ARHGAP44: variants seen among roughly 807,000 people sequenced by gnomAD.
ARHGAP44 encodes rho GTPase-activating protein 44.
ARHGAP44 carries 43 observed loss-of-function variants against 106.8 expected under a neutral mutation model. That is an observed-to-expected ratio of 0.40 (90% CI 0.32 to 0.52). The LOEUF is 0.52. Among genes scored for constraint, ARHGAP44 ranks in the 20% least tolerant of loss-of-function variants. ARHGAP44 has a pLI of 0.48. For missense variants in ARHGAP44, 866 were observed against 1,050.5 expected, an observed-to-expected ratio of 0.82 and a Z score of 2.43; for synonymous variants, 439 against 410.3, an observed-to-expected ratio of 1.07 and a Z score of -0.85.
intron 13 of ARHGAP44, among the ~76,000 whole-genome samples, chr17:12,953,160 A>G (rs1427989584): frequency 2.0e-5 from 3 of 152,120 alleles, no homozygotes; most frequent in Non-Finnish European, 2.9e-5. Context: ...CACAGGAAGG[A>G]GAGATGAGGG....
At position 12,958,576 on chromosome 17, in the gene ARHGAP44, T is replaced by C. The variant is rs1418437404; in HGVS notation, c.1343-141T>C. The C allele has an allele frequency of 6.6e-6, 5 of 757,982 alleles. No homozygotes were observed. In the African/African-American group the frequency reaches 7.0e-5, roughly 11 times the overall value. 47.0% of individuals were successfully genotyped at this position (757,982 alleles called of 1,614,324 possible). On this transcript the variant is annotated intron_variant, in intron 15 of 20. Transcript: ENST00000379672. The surrounding 1 kb of genome is among the most constrained non-coding windows in gnomAD (Gnocchi z 4.1). The stretch of plus-strand genomic sequence containing the variant: ...TTTTTGGCCTGTTAATGTGATGCAT[T>C]ATATTAATAAGGTGAACCATGGGAT...
intron 1 of ARHGAP44, among the ~76,000 whole-genome samples, chr17:12,800,924 T>C (rs2034073282): frequency 6.6e-6 from 1 of 152,204 alleles, no homozygotes; most frequent in South Asian, 2.1e-4. Context: ...AATTAACTGC[T>C]CCTGACTTGA....
intron 1 of ARHGAP44, among the ~76,000 whole-genome samples, chr17:12,888,089 GTGT>G (rs1472632960): frequency 2.0e-5 from 3 of 151,490 alleles, no homozygotes; most frequent in Non-Finnish European, 3.0e-5. Context: ...TTTTGTTGTT[GTGT>G]TGTTGTTGTT....
At chr17:12,973,217 G>A (rs1478398952) in intron 16 of ARHGAP44, 85 bp from the exon 17 acceptor site, 1 of 1,392,100 alleles carries the variant, frequency 7.2e-7, no homozygotes, top group Admixed American at 2.0e-5. Context: ...CATGGAGAGA[G>A]ACCCCTTACA....
chr17:12,870,048 C>CTTTTTT lies in ARHGAP44; in HGVS notation c.54-24879_54-24874dup, dbSNP rs3074688. The stretch of plus-strand genomic sequence containing the variant: ...ATTATTTCTTGTCAACAAATACCGT[C>CTTTTTT]TTTTTTTTTTTTTTTTTTGAGATAG... On this transcript the variant is annotated intron_variant, in intron 1 of 20. Coordinates refer to ENST00000379672, the MANE Select transcript of ARHGAP44 (RefSeq NM_014859.6). Among the ~76,000 whole-genome samples, 54 of 113,076 alleles carry CTTTTTT rather than the reference C, an allele frequency of 4.8e-4. 2 individuals are homozygous for CTTTTTT. The highest frequency in any genetic ancestry group is 6.0e-4 in the African/African-American group (18 of 29,866). 74.2% of individuals were successfully genotyped at this position (113,076 alleles called of 152,430 possible). A position where few individuals can be genotyped will look rare whatever the true frequency, so the allele number is the denominator to read the frequency against.
At position 12,899,040 on chromosome 17, in the gene ARHGAP44, G is replaced by A. The variant is rs530796496; in HGVS notation, c.198+2529G>A. Among the ~76,000 whole-genome samples, 14 of 151,994 alleles carry A rather than the reference G, an allele frequency of 9.2e-5. No homozygotes were observed. In the South Asian group the frequency reaches 2.3e-3, roughly 25 times the overall value. On this transcript the variant is annotated intron_variant, in intron 3 of 20. Transcript: ENST00000379672. ...GGCTGGAGTGCAGTGGCGCAATCTC[G>A]GCTCACTGCAACCTCCACCTCCCAG...
chr17:12,887,898 A>G (rs1338717027), intron 1 of ARHGAP44, among the ~76,000 whole-genome samples: 1 of 146,906 alleles, frequency 6.8e-6, no homozygotes, highest in Non-Finnish European at 1.5e-5. Context: ...TGTCCATTTC[A>G]TCTAAGTTGT....
chr17:12,984,114 T>G (rs549888949), intron 19 of ARHGAP44, among the ~76,000 whole-genome samples: 1 of 152,256 alleles, frequency 6.6e-6, no homozygotes, highest in Non-Finnish European at 1.5e-5. Context: ...TACAGCAAAT[T>G]GAACTGGAGT....
Position 12,958,624 on chromosome 17 carries a change from C to G in ARHGAP44, c.1343-93C>G, listed in dbSNP as rs763509749. Reference sequence around the variant, plus strand: ...GATGAAATTTTCTAGGGATGACATACGAGGGAGTGGGTGTCTGGACTCATT... The same window carrying G: ...GATGAAATTTTCTAGGGATGACATAGGAGGGAGTGGGTGTCTGGACTCATT... On this transcript the variant is annotated intron_variant, in intron 15 of 20. Transcript: ENST00000379672. This position sits in a 1 kb window ranked among gnomAD's most constrained non-coding sequence, Gnocchi z 4.1. 4 of 1,218,626 alleles carry G rather than the reference C, an allele frequency of 3.3e-6. No homozygotes were observed. In the African/African-American group the frequency reaches 6.0e-5, roughly 18 times the overall value. The allele number at this position is 1,218,626 out of a possible 1,614,324, so 75.5% of individuals were successfully genotyped here. A position where few individuals can be genotyped will look rare whatever the true frequency, so the allele number is the denominator to read the frequency against.
At chr17:12,896,302 G>T in intron 2 of ARHGAP44, 105 bp from the exon 3 acceptor site, 1 of 897,346 alleles carries the variant, frequency 1.1e-6, no homozygotes, top group Non-Finnish European at 1.7e-6. Flanking sequence ...CTCTCCAGGA[G>T]TCCTTGTCTC....
At chr17:12,889,952 T>C (rs967588678) in intron 1 of ARHGAP44, among the ~76,000 whole-genome samples, 3 of 152,238 alleles carry the variant, frequency 2.0e-5, no homozygotes, top group Admixed American at 1.3e-4. Flanking sequence ...TAGAGAATCA[T>C]TTTTACTCCA....
chr17:12,967,059 C>T (rs2039407741), intron 16 of ARHGAP44, among the ~76,000 whole-genome samples: 1 of 151,008 alleles, frequency 6.6e-6, no homozygotes, highest in South Asian at 2.1e-4. Context: ...TCTTCCTTCT[C>T]CTCCTCCTTC....
chr17:12,840,946 C>T (rs1013024296), intron 1 of ARHGAP44, among the ~76,000 whole-genome samples: 2 of 152,008 alleles, frequency 1.3e-5, no homozygotes, highest in African/African-American at 4.8e-5. Flanking sequence ...GGGGTCGGTT[C>T]CCCATCCTGC....
chr17:12,895,098 T>C (rs1358163580), intron 2 of ARHGAP44, 119 bp downstream of exon 2: 3 of 835,618 alleles, frequency 3.6e-6, no homozygotes, highest in Non-Finnish European at 5.7e-6. Flanking sequence ...GCCACTACAC[T>C]CCAGCCTGGC....
chr17:12,973,140 TTAGA>T (rs1265653394), intron 16 of ARHGAP44, 158 bp from the exon 17 acceptor site: 1 of 699,094 alleles, frequency 1.4e-6, no homozygotes, highest in Non-Finnish European at 2.4e-6. Context: ...GAGAGTCACT[TTAGA>T]GAGACCAACT....
intron 19 of ARHGAP44, among the ~76,000 whole-genome samples, chr17:12,981,952 A>G (rs769134462): frequency 5.3e-5 from 8 of 152,100 alleles, no homozygotes; most frequent in South Asian, 2.1e-4. Flanking sequence ...TGGAGGTTGC[A>G]CTGAGCCAAG....
chr17:12,885,579 CT>C (rs1567668143), intron 1 of ARHGAP44, among the ~76,000 whole-genome samples: 2 of 152,008 alleles, frequency 1.3e-5, no homozygotes. Flanking sequence ...ATACTAGTAT[CT>C]CATTTTGCTC....
At chr17:12,826,006 T>C (rs952436288) in intron 1 of ARHGAP44, among the ~76,000 whole-genome samples, 25 of 152,228 alleles carry the variant, frequency 1.6e-4, no homozygotes, top group Non-Finnish European at 7.3e-5. Flanking sequence ...TTCTAAAATA[T>C]TTTGTTGATA....
intron 4 of ARHGAP44, among the ~76,000 whole-genome samples, chr17:12,915,336 A>G (rs1404091287): frequency 6.6e-6 from 1 of 152,246 alleles, no homozygotes; most frequent in Non-Finnish European, 1.5e-5. Context: ...TTTGGGTAGA[A>G]TTTAACATCT....
Sources: gnomAD v4.1 joint callset for allele counts (sites outside exome capture counted in the v4.1 genomes callset) on GRCh38, gnomAD v4.1.1 for gene constraint, Gnocchi (gnomAD v3.1) non-coding constraint, MANE v1.5 for transcripts, NCBI Gene and HGNC (gene_info 2026-07-23, HGNC 2026-07-21) for gene names.